The following ELMO1 variants were observed in gnomAD, a reference collection of about 807,000 sequenced individuals.
The protein encoded by ELMO1 is engulfment and cell motility protein 1.
Under a neutral mutation model 98.9 loss-of-function variants are expected in ELMO1, and 26 were observed. The ratio of observed to expected loss-of-function variants is 0.26; its 90% CI spans 0.19 to 0.36. The LOEUF is 0.36. Among genes scored for constraint, ELMO1 ranks in the 10% least tolerant of loss-of-function variants. The pLI is 1.00. For synonymous variants in ELMO1, 346 were observed against 346.0 expected, an observed-to-expected ratio of 1.00 and a Z score of 0.00; for missense variants, 627 against 935.2, an observed-to-expected ratio of 0.67 and a Z score of 4.30.
intron 1 of ELMO1, among the ~76,000 whole-genome samples, chr7:37,399,411 G>T (rs750095221): frequency 2.6e-5 from 4 of 152,112 alleles, no homozygotes; most frequent in African/African-American, 9.7e-5. Context: ...CAGGGCCAGG[G>T]CATAAACCCA....
At chr7:37,171,314 T>C (rs1790138506) in intron 13 of ELMO1, among the ~76,000 whole-genome samples, 1 of 151,998 alleles carries the variant, frequency 6.6e-6, no homozygotes, top group South Asian at 2.1e-4. Context: ...AGGTTTCTTT[T>C]TCTCAGTTGT....
At position 36,948,604 on chromosome 7, in the gene ELMO1, G is replaced by A. The variant is rs561941800; in HGVS notation, c.1438-53587C>T. Among the ~76,000 whole-genome samples the A allele has an allele frequency of 2.0e-5, 3 of 152,250 alleles. No homozygotes were observed. The South Asian group carries it at 6.2e-4, about 32-fold the overall frequency. On this transcript the variant is annotated intron_variant, in intron 16 of 21. Transcript: ENST00000310758. ...TCTACCATTTATTGACCTCTTGACTGTGTGCCAGGTGCTATTTGAACCATT... is the reference window on the plus strand; with the variant it reads ...TCTACCATTTATTGACCTCTTGACTATGTGCCAGGTGCTATTTGAACCATT...
intron 15 of ELMO1, among the ~76,000 whole-genome samples, chr7:37,067,090 A>G (rs1209296319): frequency 1.3e-5 from 2 of 152,208 alleles, no homozygotes; most frequent in African/African-American, 4.8e-5. Flanking sequence ...TCAGAATTTA[A>G]AGAAGATCTC....
At chr7:37,109,376 G>A (rs1785113915) in intron 14 of ELMO1, among the ~76,000 whole-genome samples, 2 of 152,202 alleles carry the variant, frequency 1.3e-5, no homozygotes, top group East Asian at 1.9e-4. Context: ...GCAAGTATTT[G>A]CTATAAATGC....
rs1786930219 is a variant in ELMO1 at position 36,940,440 on chromosome 7, T to G, written c.1438-45423A>C. Reference sequence around the variant, plus strand: ...GGCTGCCCTTTTGGGTTGCAGGTATTTGTATATTCTTTAGCCCTTAAGAGG... The same window carrying G: ...GGCTGCCCTTTTGGGTTGCAGGTATGTGTATATTCTTTAGCCCTTAAGAGG... On this transcript the variant is annotated intron_variant, in intron 16 of 21. Transcript: ENST00000310758. 2.6e-5 allele frequency among the ~76,000 whole-genome samples: 4 copies of G among 152,218 alleles called. No homozygotes were observed. The South Asian group carries it at 6.2e-4, about 24-fold the overall frequency.
intron 13 of ELMO1, among the ~76,000 whole-genome samples, chr7:37,147,249 C>T (rs1788043824): frequency 6.6e-6 from 1 of 152,150 alleles, no homozygotes. Flanking sequence ...CAGGAAGATG[C>T]TAGGGATCTA....
intron 5 of ELMO1, among the ~76,000 whole-genome samples, chr7:37,269,083 T>G (rs984676250): frequency 6.6e-6 from 1 of 152,248 alleles, no homozygotes; most frequent in Non-Finnish European, 1.5e-5. Context: ...CTAATAGGTG[T>G]TGTTGTTTTT....
intron 13 of ELMO1, among the ~76,000 whole-genome samples, chr7:37,183,549 A>C (rs1488758589): frequency 1.7e-5 from 1 of 57,294 alleles, no homozygotes; most frequent in Non-Finnish European, 3.7e-5. Flanking sequence ...CCTGTTACTC[A>C]GGACCCAGAA....
intron 14 of ELMO1, among the ~76,000 whole-genome samples, chr7:37,131,109 G>C (rs1786890999): frequency 6.6e-6 from 1 of 151,824 alleles, no homozygotes; most frequent in African/African-American, 2.4e-5. Context: ...AAATTTCCTT[G>C]CAGAGATCTT....
intron 13 of ELMO1, among the ~76,000 whole-genome samples, chr7:37,146,678 C>CT (rs1788009520): frequency 6.6e-6 from 1 of 152,154 alleles, no homozygotes; most frequent in African/African-American, 2.4e-5. Flanking sequence ...GTTGGTCCCT[C>CT]TCCATATGTA....
chr7:37,024,351 G>C (rs118034004), intron 15 of ELMO1, among the ~76,000 whole-genome samples: 2,621 of 152,278 alleles, frequency 0.017, 22 homozygotes, highest in Middle Eastern at 0.041. Context: ...AACTTCAATG[G>C]GAAGCCATTA....
intron 13 of ELMO1, among the ~76,000 whole-genome samples, chr7:37,161,905 A>AATATATATATATATAT (rs6150082): frequency 0.012 from 494 of 42,382 alleles, 62 homozygotes; most frequent in Middle Eastern, 0.03. Context: ...CAGGTAATCA[A>AATATATATATATATAT]ATATATATAT....
intron 15 of ELMO1, among the ~76,000 whole-genome samples, chr7:37,027,507 G>A (rs1269771397): frequency 1.3e-5 from 2 of 152,182 alleles, no homozygotes; most frequent in African/African-American, 2.4e-5. Flanking sequence ...TAAGGGAGAC[G>A]CAGGGGATAT....
chr7:37,196,056 T>C (rs909293921), intron 13 of ELMO1, among the ~76,000 whole-genome samples: 13 of 152,202 alleles, frequency 8.5e-5, no homozygotes, highest in African/African-American at 2.9e-4. Context: ...ATGAAAATAC[T>C]TGCTTTCCCT....
intron 13 of ELMO1, among the ~76,000 whole-genome samples, chr7:37,160,602 GC>G (rs1295680083): frequency 6.6e-6 from 1 of 152,142 alleles, no homozygotes; most frequent in Non-Finnish European, 1.5e-5. Context: ...TCTCTGAGTG[GC>G]CCTTTATGTT....
At chr7:37,306,691 G>A (rs1463416476) in intron 4 of ELMO1, among the ~76,000 whole-genome samples, 1 of 152,166 alleles carries the variant, frequency 6.6e-6, no homozygotes, top group African/African-American at 2.4e-5. Flanking sequence ...AAGGCTAAGA[G>A]CTTTGGAAGA....
chr7:37,448,529 C>A (rs1184625516), intron 1 of ELMO1, 146 bp downstream of exon 1: 1 of 152,178 alleles, frequency 6.6e-6, no homozygotes, highest in Admixed American at 6.5e-5. Context: ...CCGCGGCGCC[C>A]CCAGGGAGGA....
intron 2 of ELMO1, among the ~76,000 whole-genome samples, chr7:37,316,738 A>T (rs2131108075): frequency 6.6e-6 from 1 of 152,344 alleles, no homozygotes; most frequent in South Asian, 2.1e-4. Context: ...GTCAACCCAA[A>T]GAACAAATCA....
intron 15 of ELMO1, among the ~76,000 whole-genome samples, chr7:37,079,409 A>G (rs1211672817): frequency 6.6e-6 from 1 of 152,228 alleles, no homozygotes; most frequent in African/African-American, 2.4e-5. Flanking sequence ...ACCACTAGAA[A>G]AAGGATCATG....
Sources: gnomAD v4.1 joint callset for allele counts (sites outside exome capture counted in the v4.1 genomes callset) on GRCh38, gnomAD v4.1.1 for gene constraint, MANE v1.5 for transcripts, NCBI Gene and HGNC (gene_info 2026-07-23, HGNC 2026-07-21) for gene names.